The following NAF1 variants were observed in gnomAD, a reference collection of about 807,000 sequenced individuals.
The protein encoded by NAF1 is nuclear assembly factor 1 ribonucleoprotein, also known as H/ACA ribonucleoprotein complex non-core subunit NAF1.
NAF1 carries 11 observed loss-of-function variants against 40.6 expected under a neutral mutation model. The ratio of observed to expected loss-of-function variants is 0.27; its 90% CI spans 0.17 to 0.45. The LOEUF is 0.45. Among genes scored for constraint, NAF1 ranks in the 20% least tolerant of loss-of-function variants. The probability of loss-of-function intolerance (pLI) is 1.00; values close to 1 mark genes in which losing one functional copy is unlikely to be tolerated. For synonymous variants in NAF1, 260 were observed against 228.5 expected (o/e 1.14, Z -1.24); for missense variants, 607 against 611.1 (o/e 0.99, Z 0.07).
chr4:163,155,946 T>C (rs1464010077), intron 2 of NAF1, among the ~76,000 whole-genome samples: 16 of 140,270 alleles, frequency 1.1e-4, no homozygotes, highest in Non-Finnish European at 1.6e-4. Flanking sequence ...GTAGAGGTGA[T>C]AGGAAAGGCC....
At chr4:163,147,135 A>G (rs1366337984) in intron 3 of NAF1, among the ~76,000 whole-genome samples, 1 of 152,214 alleles carries the variant, frequency 6.6e-6, no homozygotes, top group African/African-American at 2.4e-5. Flanking sequence ...AAGAATTTTA[A>G]TTATTATTTT....
In NAF1 at chr4:163,133,274, A is replaced by C; in HGVS notation, c.931-18T>G. The C allele has an allele frequency of 6.3e-7, 1 of 1,593,994 alleles. No individual in the cohort carries two copies. ...TCTAAGGCCTTGCAGAGAAAAGTAT[A>C]TAATAGGTTTATGTTACATGAATTT... On this transcript the variant is annotated intron_variant, in intron 6 of 7. Coordinates refer to ENST00000274054, the MANE Select transcript of NAF1 (RefSeq NM_138386.3).
chr4:163,141,597 T>G (rs939595697), intron 4 of NAF1, among the ~76,000 whole-genome samples: 1 of 152,150 alleles, frequency 6.6e-6, no homozygotes, highest in African/African-American at 2.4e-5. Context: ...TGTAGGACAT[T>G]TAGGCAGCTT....
chr4:163,145,904 G>A (rs1731447115), intron 3 of NAF1, 40 bp from the exon 4 acceptor site: 1 of 986,582 alleles, frequency 1.0e-6, no homozygotes, highest in Non-Finnish European at 1.5e-6. Context: ...TTACTTATAA[G>A]AGAATGTAGA....
intron 6 of NAF1, 63 bp from the exon 7 acceptor site, chr4:163,133,319 C>T (rs1473733995): frequency 1.6e-6 from 2 of 1,275,678 alleles, no homozygotes; most frequent in South Asian, 2.7e-5. Context: ...ATAGTACATA[C>T]TTGGAGGTGA....
intron 2 of NAF1, among the ~76,000 whole-genome samples, chr4:163,152,816 G>A (rs1731771860): frequency 3.3e-5 from 5 of 152,240 alleles, no homozygotes; most frequent in South Asian, 4.1e-4. Flanking sequence ...GGCCAGAGCC[G>A]GCTCCCTCAG....
intron 2 of NAF1, among the ~76,000 whole-genome samples, chr4:163,159,579 C>T (rs1360828409): frequency 6.6e-6 from 1 of 152,142 alleles, no homozygotes; most frequent in Non-Finnish European, 1.5e-5. Context: ...ATGAAATATT[C>T]TACTGCAACT....
At chr4:163,130,309 C>A (rs1391766406) in intron 7 of NAF1, among the ~76,000 whole-genome samples, 1 of 151,860 alleles carries the variant, frequency 6.6e-6, no homozygotes, top group African/African-American at 2.4e-5. Context: ...GGTATTAAAG[C>A]AGTCATAAAA....
chr4:163,160,334 G>A (rs182015923), intron 2 of NAF1, among the ~76,000 whole-genome samples: 5 of 151,414 alleles, frequency 3.3e-5, no homozygotes, highest in Admixed American at 6.6e-5. Flanking sequence ...CCCCCTTAAC[G>A]TACCCTCACA....
At chr4:163,122,062 A>G (rs995378844), downstream of NAF1, among the ~76,000 whole-genome samples, 3 of 152,228 alleles carry the variant, frequency 2.0e-5, no homozygotes, top group Non-Finnish European at 4.4e-5. Context: ...TCCAAATGCC[A>G]AACATTATCG....
intron 7 of NAF1, among the ~76,000 whole-genome samples, chr4:163,130,653 A>G (rs544781315): frequency 1.3e-5 from 2 of 152,362 alleles, no homozygotes; most frequent in East Asian, 3.9e-4. Flanking sequence ...TAATAAACGG[A>G]TATTTAACGA....
At chr4:163,153,479 T>C (rs1731826009) in intron 2 of NAF1, among the ~76,000 whole-genome samples, 1 of 151,986 alleles carries the variant, frequency 6.6e-6, no homozygotes, top group African/African-American at 2.4e-5. Context: ...AGCTCAGGGA[T>C]TGTAAATACA....
chr4:163,107,474 C>T (rs185503509), downstream of NAF1, among the ~76,000 whole-genome samples: 38 of 152,306 alleles, frequency 2.5e-4, 1 homozygote, highest in East Asian at 6.2e-3. Context: ...CAGGACAGAG[C>T]TTTCCCTCTT....
intron 2 of NAF1, among the ~76,000 whole-genome samples, chr4:163,153,110 G>T (rs1170424398): frequency 6.6e-6 from 1 of 152,188 alleles, no homozygotes; most frequent in Admixed American, 6.5e-5. Flanking sequence ...CCTGCAGCCC[G>T]CCATGCCTGA....
intron 6 of NAF1, chr4:163,135,153 C>T (rs1442100204): frequency 1.3e-5 from 2 of 152,154 alleles, no homozygotes; most frequent in Non-Finnish European, 2.9e-5. Context: ...TTTCATAGCA[C>T]ATAATTTCTC....
chr4:163,156,057 T>C (rs1013093627), intron 2 of NAF1, among the ~76,000 whole-genome samples: 1 of 123,292 alleles, frequency 8.1e-6, no homozygotes, highest in African/African-American at 2.7e-5. Context: ...TTAAAGTATC[T>C]GCCTGGATAC....
At chr4:163,121,692 C>A (rs907149798) in intron 2 of NAF1, among the ~76,000 whole-genome samples, 6 of 151,940 alleles carry the variant, frequency 3.9e-5, no homozygotes, top group African/African-American at 1.5e-4. Flanking sequence ...TTTTTAAGAT[C>A]TAATATTTAA....
At chr4:163,104,469 G>A in the NAF1 span, among the ~76,000 whole-genome samples, 5 of 152,202 alleles carry the variant, frequency 3.3e-5, no homozygotes, top group South Asian at 4.1e-4. Flanking sequence ...TATGGTTAAT[G>A]TTGGGTTAAT....
intron 7 of NAF1, among the ~76,000 whole-genome samples, chr4:163,131,472 A>G (rs1730871487): frequency 6.6e-6 from 1 of 152,206 alleles, no homozygotes; most frequent in Admixed American, 6.5e-5. Context: ...TAAAATTTAT[A>G]CTGAAAGGTA....
Sources: gnomAD v4.1 joint callset for allele counts (sites outside exome capture counted in the v4.1 genomes callset) on GRCh38, gnomAD v4.1.1 for gene constraint, MANE v1.5 for transcripts, NCBI Gene and HGNC (gene_info 2026-07-23, HGNC 2026-07-21) for gene names.